The following NPAS3 variants were observed in gnomAD, a reference collection of about 807,000 sequenced individuals.
NPAS3 encodes neuronal PAS domain-containing protein 3.
Under a neutral mutation model 73.1 loss-of-function variants are expected in NPAS3, and 14 were observed. The ratio of observed to expected loss-of-function variants is 0.19; its 90% CI spans 0.13 to 0.30. The LOEUF (loss-of-function observed/expected upper bound fraction) is 0.30. Ranked by LOEUF, NPAS3 falls within the 10% of genes least tolerant of loss-of-function variation. NPAS3 has a pLI of 1.00. For synonymous variants in NPAS3, 620 were observed against 541.5 expected, an observed-to-expected ratio of 1.14 and a Z score of -2.01; for missense variants, 1,096 against 1,250.0, an observed-to-expected ratio of 0.88 and a Z score of 1.86.
Position 33,308,553 on chromosome 14 carries a change from C to CACACACACACACACACACACACACAT in NPAS3, c.386-58630_386-58629insCACACACACACACACACACACATACA, listed in dbSNP as rs1195213186. On this transcript the variant is annotated intron_variant, in intron 3 of 11. Transcript: ENST00000356141. ...ACATACACACACACACACACACACA[C>CACACACACACACACACACACACACAT]ACATACATACATTATATATATGTAT... Among the ~76,000 whole-genome samples the CACACACACACACACACACACACACAT allele has an allele frequency of 5.4e-4, 61 of 113,820 alleles. 1 individual carries two copies. Among genetic ancestry groups the CACACACACACACACACACACACACAT allele is most frequent in the East Asian group, 3.9e-3 (15 of 3,862 alleles). 74.7% of individuals were successfully genotyped at this position (113,820 alleles called of 152,430 possible). A position where few individuals can be genotyped will look rare whatever the true frequency, so the allele number is the denominator to read the frequency against.
At chr14:33,051,296 A>AAAAAAAAAAAAAAAAAAAG (rs771840433) in intron 1 of NPAS3, among the ~76,000 whole-genome samples, 5 of 142,526 alleles carry the variant, frequency 3.5e-5, no homozygotes, top group African/African-American at 1.4e-4. Flanking sequence ...AAAAAAAAAA[A>AAAAAAAAAAAAAAAAAAAG]AGAGAGACTA....
intron 2 of NPAS3, chr14:33,213,859 AG>A (rs1256485107): frequency 6.6e-6 from 1 of 152,228 alleles, no homozygotes; most frequent in Non-Finnish European, 1.5e-5. Flanking sequence ...ATAGATATTC[AG>A]TAAGATATTT....
At chr14:33,199,857 G>A (rs960983035) in intron 2 of NPAS3, among the ~76,000 whole-genome samples, 14 of 151,898 alleles carry the variant, frequency 9.2e-5, no homozygotes, top group African/African-American at 3.4e-4. Context: ...GACTTTTAAG[G>A]ACATTCAGAT....
At chr14:33,730,801 C>T (rs1330055580) in intron 6 of NPAS3, among the ~76,000 whole-genome samples, 4 of 152,216 alleles carry the variant, frequency 2.6e-5, no homozygotes, top group Admixed American at 6.5e-5. Flanking sequence ...AACAATCTGG[C>T]TTTATCAAGA....
At chr14:33,469,298 T>C (rs1247124177) in intron 4 of NPAS3, among the ~76,000 whole-genome samples, 1 of 142,348 alleles carries the variant, frequency 7.0e-6, no homozygotes, top group African/African-American at 2.6e-5. Flanking sequence ...AAGTTTTCTT[T>C]AAAAAAAAAA....
At chr14:33,070,205 ACTC>A (rs1221940467) in intron 2 of NPAS3, among the ~76,000 whole-genome samples, 1 of 151,752 alleles carries the variant, frequency 6.6e-6, no homozygotes, top group Non-Finnish European at 1.5e-5. Flanking sequence ...ACAGGAAATT[ACTC>A]CTCCTTGTTT....
At chr14:33,767,610 T>C (rs2062506395) in intron 7 of NPAS3, among the ~76,000 whole-genome samples, 1 of 151,474 alleles carries the variant, frequency 6.6e-6, no homozygotes. Context: ...TTTTTTTTTT[T>C]TTTTTCGTAC....
At chr14:33,678,004 C>G (rs1455413970) in intron 6 of NPAS3, among the ~76,000 whole-genome samples, 3 of 152,184 alleles carry the variant, frequency 2.0e-5, no homozygotes, top group Non-Finnish European at 2.9e-5. Flanking sequence ...TTCCTCATGA[C>G]TCAAACACGC....
chr14:33,469,710 G>A (rs1258726741), intron 4 of NPAS3, among the ~76,000 whole-genome samples: 1 of 152,060 alleles, frequency 6.6e-6, no homozygotes, highest in Admixed American at 6.5e-5. Context: ...TTTCATTCCT[G>A]TTCTGAACAC....
intron 2 of NPAS3, among the ~76,000 whole-genome samples, chr14:33,209,983 A>G (rs1169027937): frequency 2.6e-5 from 4 of 152,230 alleles, no homozygotes; most frequent in Admixed American, 2.6e-4. Context: ...TGATTAAAAT[A>G]TGACTATGAA....
chr14:33,247,062 A>G (rs1185201982), intron 3 of NPAS3, among the ~76,000 whole-genome samples: 1 of 151,958 alleles, frequency 6.6e-6, no homozygotes, highest in African/African-American at 2.4e-5. Context: ...AGAAAAAGAG[A>G]TAGTAGGCAA....
chr14:33,477,332 G>A (rs986335321), intron 4 of NPAS3, among the ~76,000 whole-genome samples: 5 of 152,112 alleles, frequency 3.3e-5, no homozygotes, highest in African/African-American at 1.2e-4. Context: ...TGGAAAGAGA[G>A]AAGCTACCCA....
At chr14:33,793,994 T>A in exon 10 of NPAS3, 1 of 1,613,732 alleles carries the variant, frequency 6.2e-7, no homozygotes, top group African/African-American at 1.3e-5. Context: ...TAGCTATTAA[T>A]GCCAAGAATG....
intron 3 of NPAS3, among the ~76,000 whole-genome samples, chr14:33,281,597 A>G (rs1439988127): frequency 6.6e-6 from 1 of 152,138 alleles, no homozygotes; most frequent in African/African-American, 2.4e-5. Flanking sequence ...GCGTCATTGC[A>G]CTCCAGCGGT....
chr14:32,980,577 C>T (rs935729058), intron 1 of NPAS3, among the ~76,000 whole-genome samples: 1 of 152,124 alleles, frequency 6.6e-6, no homozygotes, highest in Non-Finnish European at 1.5e-5. Flanking sequence ...TTATACTTTA[C>T]TTATGTTTTT....
chr14:33,243,492 C>G (rs2048276519), intron 3 of NPAS3, among the ~76,000 whole-genome samples: 1 of 152,022 alleles, frequency 6.6e-6, no homozygotes, highest in African/African-American at 2.4e-5. Flanking sequence ...ATGGTGGGGT[C>G]CAATAATTTG....
chr14:33,170,327 A>T (rs1317233157), intron 2 of NPAS3, among the ~76,000 whole-genome samples: 2 of 152,234 alleles, frequency 1.3e-5, no homozygotes, highest in African/African-American at 2.4e-5. Context: ...TTCTAAAAAC[A>T]TGTGAACAAT....
At chr14:33,535,703 T>C (rs2054232232) in intron 4 of NPAS3, among the ~76,000 whole-genome samples, 1 of 152,232 alleles carries the variant, frequency 6.6e-6, no homozygotes, top group Non-Finnish European at 1.5e-5. Context: ...ATTTTCTGAA[T>C]GTTGTTAATG....
At chr14:33,120,036 G>T (rs2043184635) in intron 2 of NPAS3, among the ~76,000 whole-genome samples, 1 of 151,668 alleles carries the variant, frequency 6.6e-6, no homozygotes, top group African/African-American at 2.4e-5. Flanking sequence ...ACAGAGCCTT[G>T]CTCTGTCACC....
Sources: gnomAD v4.1 joint callset for allele counts (sites outside exome capture counted in the v4.1 genomes callset) on GRCh38, gnomAD v4.1.1 for gene constraint, MANE v1.5 for transcripts, NCBI Gene and HGNC (gene_info 2026-07-23, HGNC 2026-07-21) for gene names.